Variants in COL21A1 observed in about 807,000 individuals in gnomAD.
The protein encoded by COL21A1 is collagen alpha-1(XXI) chain.
COL21A1 carries 149 observed loss-of-function variants against 137.9 expected under a neutral mutation model. The observed-to-expected ratio is 1.08, with a 90% CI of 0.95 to 1.24. COL21A1 has a LOEUF of 1.24. Among genes scored for constraint, COL21A1 ranks in the 50% most tolerant of loss-of-function variants. COL21A1 has a pLI of 0.00. For missense variants in COL21A1, 1,167 were observed against 1,158.4 expected, an observed-to-expected ratio of 1.01 and a Z score of -0.11; for synonymous variants, 456 against 391.5, an observed-to-expected ratio of 1.16 and a Z score of -1.95.
At position 56,124,243 on chromosome 6, in the gene COL21A1, G is replaced by A; in HGVS notation, c.1700C>T (p.Pro567Leu). ...GCTTTTTTCTATCAAACTCACAGCAGGTCCAGGGAGGCCAGGGAAGCCAGC... is the reference window on the plus strand; with the variant it reads ...GCTTTTTTCTATCAAACTCACAGCAAGTCCAGGGAGGCCAGGGAAGCCAGC... ...GNAGFPGLPG[P>L]AGEPGRHGKD... is the part of the protein sequence containing the mutation. Residue 567 changes from proline to leucine, a missense_variant, in exon 15 of 30, where the codon CCT (proline) becomes CTT (leucine). By Grantham distance (98) the Pro-to-Leu change is moderately conservative. Coordinates refer to ENST00000244728, the MANE Select transcript of COL21A1 (RefSeq NM_030820.4). 6.2e-7 allele frequency: 1 copy of A among 1,600,954 alleles called. No homozygotes were observed. Among genetic ancestry groups the A allele is most frequent in the Non-Finnish European group, 8.5e-7 (1 of 1,173,246 alleles).
At chr6:56,158,092 A>C (rs1775890581) in intron 9 of COL21A1, among the ~76,000 whole-genome samples, 1 of 152,088 alleles carries the variant, frequency 6.6e-6, no homozygotes, top group Non-Finnish European at 1.5e-5. Flanking sequence ...TTATAATTTA[A>C]TTCTAAAAAA....
intron 1 of COL21A1, among the ~76,000 whole-genome samples, chr6:56,260,651 GGA>G (rs1763238366): frequency 1.6e-4 from 10 of 62,382 alleles, no homozygotes; most frequent in Middle Eastern, 7.2e-3. Context: ...AAGGAAGGAA[GGA>G]AGGAATGAAG....
At position 56,156,896 on chromosome 6, in the gene COL21A1, A is replaced by G. The variant is rs369622487; in HGVS notation, c.1425T>C (p.Asp475=). The G allele has an allele frequency of 1.1e-5, 17 of 1,611,878 alleles. No individual in the cohort carries two copies. Among genetic ancestry groups the G allele is most frequent in the Non-Finnish European group, 1.4e-5 (16 of 1,179,056 alleles). Residue 475 remains aspartate, a synonymous_variant, in exon 10 of 30, where the codon GAT becomes GAC. Transcript: ENST00000244728. ...NPGYPGQPGQ[D]GKPGYQGIAG... is the part of the protein sequence containing the mutation. ...AGCTTTCAGTACTCACAGGCTTACC[A>G]TCTTGACCAGGTTGTCCAGGGTAGC...
At chr6:56,204,207 T>C (rs535073779) in intron 1 of COL21A1, among the ~76,000 whole-genome samples, 45 of 152,178 alleles carry the variant, frequency 3.0e-4, no homozygotes, top group Non-Finnish European at 5.9e-4. Context: ...CGCTCCCCCA[T>C]GGAGCCCAGC....
intron 1 of COL21A1, among the ~76,000 whole-genome samples, chr6:56,269,460 C>T (rs1763471300): frequency 6.6e-6 from 1 of 151,600 alleles, no homozygotes; most frequent in South Asian, 2.1e-4. Flanking sequence ...TCGAGACCAT[C>T]CCGGCTAAAA....
At chr6:56,185,278 A>T (rs866188290) in intron 1 of COL21A1, among the ~76,000 whole-genome samples, 4 of 151,998 alleles carry the variant, frequency 2.6e-5, no homozygotes, top group African/African-American at 9.7e-5. Flanking sequence ...TTCTTTGGAC[A>T]AATAAATATA....
chr6:56,116,651 G>C (rs1771958853), intron 16 of COL21A1, among the ~76,000 whole-genome samples: 1 of 151,828 alleles, frequency 6.6e-6, no homozygotes, highest in Non-Finnish European at 1.5e-5. Context: ...GAAAAACACG[G>C]AATATTATAC....
At position 56,227,675 on chromosome 6, in the gene COL21A1, A is replaced by T. The variant is rs536871566; in HGVS notation, c.-39+19712T>A. On this transcript the variant is annotated intron_variant, in intron 1 of 29. Coordinates refer to ENST00000244728, the MANE Select transcript of COL21A1 (RefSeq NM_030820.4). Reference sequence around the variant, plus strand: ...TATCCATTCATTCCACAATATGCACAGTCATCTACTATTATTCAGGCAATG... The same window carrying T: ...TATCCATTCATTCCACAATATGCACTGTCATCTACTATTATTCAGGCAATG... Among the ~76,000 whole-genome samples, 3 of 152,218 alleles carry T rather than the reference A, an allele frequency of 2.0e-5. No homozygotes were observed. The South Asian group carries it at 6.2e-4, about 32-fold the overall frequency.
intron 17 of COL21A1, among the ~76,000 whole-genome samples, chr6:56,086,254 A>G (rs1399358580): frequency 6.6e-6 from 1 of 152,008 alleles, no homozygotes; most frequent in Non-Finnish European, 1.5e-5. Context: ...GTTTTAACCC[A>G]CCACACGATT....
intron 1 of COL21A1, among the ~76,000 whole-genome samples, chr6:56,351,410 G>GT (rs1462688196): frequency 1.3e-5 from 2 of 152,194 alleles, no homozygotes; most frequent in Non-Finnish European, 2.9e-5. Context: ...CCTGTCACAT[G>GT]TAACTGCACA....
At chr6:56,199,817 C>G (rs181495232) in intron 1 of COL21A1, among the ~76,000 whole-genome samples, 186 of 152,232 alleles carry the variant, frequency 1.2e-3, no homozygotes, top group Non-Finnish European at 2.2e-3. Flanking sequence ...TAAGTGCCTA[C>G]TATGTGGCAG....
At chr6:56,303,068 T>C (rs1764343291) in intron 1 of COL21A1, among the ~76,000 whole-genome samples, 1 of 152,196 alleles carries the variant, frequency 6.6e-6, no homozygotes, top group African/African-American at 2.4e-5. Flanking sequence ...CTGAGGGCTG[T>C]GTTCTCTTCC....
rs749557286 is a variant in COL21A1 at position 56,141,799 on chromosome 6, G to A, written c.1528C>T (p.Arg510Ter). ...TGTGTGTTTACCTTGTCACCATCTC[G>A]CCCTGGTTCTCCTTTGTAACCTGGT... ...GLPGYKGEPG[R>*]DGDKGDRGLP... Residue 510 changes from arginine to a stop codon, truncating the protein, a stop_gained, in exon 12 of 30, where the codon CGA (arginine) becomes TGA (stop). Coordinates refer to ENST00000244728, the MANE Select transcript of COL21A1 (RefSeq NM_030820.4). LOFTEE classifies it high-confidence loss of function. 13 of 1,613,342 alleles carry A rather than the reference G, an allele frequency of 8.1e-6. No individual in the cohort carries two copies. The highest frequency in any genetic ancestry group is 6.7e-5 in the East Asian group (3 of 44,874).
chr6:56,306,875 T>C, intron 1 of COL21A1, among the ~76,000 whole-genome samples: 1 of 152,198 alleles, frequency 6.6e-6, no homozygotes, highest in Non-Finnish European at 1.5e-5. Flanking sequence ...TTGTCTTTGA[T>C]GATGGTGACG....
chr6:56,306,547 T>A (rs1036674996), intron 1 of COL21A1, among the ~76,000 whole-genome samples: 4 of 152,238 alleles, frequency 2.6e-5, no homozygotes, highest in Admixed American at 2.6e-4. Flanking sequence ...TGTGCATTCA[T>A]CGTGTAGTTC....
At chr6:56,273,118 G>T (rs996470529) in intron 1 of COL21A1, among the ~76,000 whole-genome samples, 2 of 152,066 alleles carry the variant, frequency 1.3e-5, no homozygotes, top group Non-Finnish European at 2.9e-5. Flanking sequence ...TAAACAACTT[G>T]CTCCTGAATA....
intron 10 of COL21A1, among the ~76,000 whole-genome samples, chr6:56,153,140 C>A (rs1335532750): frequency 1.3e-5 from 2 of 151,946 alleles, no homozygotes; most frequent in African/African-American, 4.8e-5. Flanking sequence ...TAATGGGGGT[C>A]GAAGATAAAT....
At chr6:56,286,183 C>A (rs9475655) in intron 1 of COL21A1, among the ~76,000 whole-genome samples, 25,891 of 152,142 alleles carry the variant, frequency 0.17, 2,590 homozygotes, top group Non-Finnish European at 0.22. Flanking sequence ...CAAAACAAGT[C>A]TGTTAGAGAA....
intron 1 of COL21A1, among the ~76,000 whole-genome samples, chr6:56,379,170 A>C (rs1323418083): frequency 6.6e-6 from 1 of 152,236 alleles, no homozygotes; most frequent in Non-Finnish European, 1.5e-5. Context: ...ACGCCCAGAC[A>C]CAGATGAACA....
Sources: gnomAD v4.1 joint callset for allele counts (sites outside exome capture counted in the v4.1 genomes callset) on GRCh38, gnomAD v4.1.1 for gene constraint, MANE v1.5 for transcripts, NCBI Gene and HGNC (gene_info 2026-07-23, HGNC 2026-07-21) for gene names.